Variants in HAPLN1 observed in about 807,000 individuals in gnomAD.
HAPLN1 encodes the protein hyaluronan and proteoglycan link protein 1.
A neutral mutation model predicts 36.5 loss-of-function variants in HAPLN1; 13 were observed. The observed-to-expected ratio is 0.36, with a 90% CI of 0.23 to 0.57. The LOEUF (loss-of-function observed/expected upper bound fraction) is 0.57, where lower values mean the gene tolerates loss of function less well. Ranked by LOEUF, HAPLN1 falls within the 20% of genes least tolerant of loss-of-function variation. The pLI is 0.83. For missense variants in HAPLN1, 407 were observed against 439.7 expected, an observed-to-expected ratio of 0.93 and a Z score of 0.66; for synonymous variants, 202 against 169.8, an observed-to-expected ratio of 1.19 and a Z score of -1.48.
chr5:83,677,499 G>A (rs1162008315), intron 1 of HAPLN1, among the ~76,000 whole-genome samples: 2 of 152,200 alleles, frequency 1.3e-5, no homozygotes, highest in Non-Finnish European at 2.9e-5. Flanking sequence ...GCCATGGACT[G>A]GATGTCCAGC....
At chr5:83,648,606 T>C (rs1749955670) in intron 3 of HAPLN1, among the ~76,000 whole-genome samples, 1 of 151,616 alleles carries the variant, frequency 6.6e-6, no homozygotes, top group South Asian at 2.1e-4. Flanking sequence ...GCATTTAAGC[T>C]GGTATTAAAG....
Position 83,704,981 on chromosome 5 carries a change from T to G in HAPLN1, c.-27+15808A>C, listed in dbSNP as rs79683929. 9.3e-3 allele frequency among the ~76,000 whole-genome samples: 1,421 copies of G among 152,268 alleles called. 25 individuals are homozygous for G. Among genetic ancestry groups the G allele is most frequent in the African/African-American group, 0.032 (1,341 of 41,544 alleles). On this transcript the variant is annotated intron_variant, in intron 1 of 4. Transcript: ENST00000274341. ...TTTTTCTCATCAACAGATGGCACAT[T>G]CTAAAACTCAGCCAATAATTAGACA...
chr5:83,658,304 GC>G (rs1367756843), intron 2 of HAPLN1, among the ~76,000 whole-genome samples: 1 of 152,094 alleles, frequency 6.6e-6, no homozygotes, highest in Non-Finnish European at 1.5e-5. Context: ...ATGGTCTATT[GC>G]AAACAATCAC....
intron 1 of HAPLN1, among the ~76,000 whole-genome samples, chr5:83,693,996 A>T (rs1263103700): frequency 2.0e-5 from 3 of 152,006 alleles, no homozygotes; most frequent in Non-Finnish European, 4.4e-5. Context: ...GCAAGTACAC[A>T]TTCTTTTCAA....
At chr5:83,665,460 G>C (rs1404328639) in intron 2 of HAPLN1, among the ~76,000 whole-genome samples, 1 of 152,172 alleles carries the variant, frequency 6.6e-6, no homozygotes, top group African/African-American at 2.4e-5. Flanking sequence ...AAAGCAGGGA[G>C]GGAAGCAGCA....
chr5:83,643,042 G>A (rs891965873), intron 4 of HAPLN1, among the ~76,000 whole-genome samples: 2 of 151,914 alleles, frequency 1.3e-5, no homozygotes, highest in African/African-American at 2.4e-5. Flanking sequence ...AAAGATTGTC[G>A]GCCAGGCACA....
intron 3 of HAPLN1, among the ~76,000 whole-genome samples, chr5:83,648,426 T>TCAAACC (rs1281009833): frequency 2.5e-5 from 3 of 120,470 alleles, no homozygotes; most frequent in African/African-American, 9.3e-5. Flanking sequence ...TATATATATA[T>TCAAACC]ATATATATAT....
chr5:83,703,139 AT>A (rs1189823338), intron 1 of HAPLN1, among the ~76,000 whole-genome samples: 1 of 151,920 alleles, frequency 6.6e-6, no homozygotes, highest in Admixed American at 6.6e-5. Context: ...TTGCTAAAAT[AT>A]TTTTTCTGCC....
In HAPLN1 at chr5:83,694,343, G is replaced by A. The variant is rs562110975; in HGVS notation, c.-26-20794C>T. Among the ~76,000 whole-genome samples the A allele has an allele frequency of 2.4e-3, 358 of 152,004 alleles. 3 individuals carry two copies. The highest frequency in any genetic ancestry group is 8.0e-3 in the African/African-American group (334 of 41,516). On this transcript the variant is annotated intron_variant, in intron 1 of 4. Transcript: ENST00000274341. Reference sequence around the variant, plus strand: ...CCTAAACACGTATTAGAGAAGAAAAGTTTCAAATCAATGACTTCAGATTCC... The same window carrying A: ...CCTAAACACGTATTAGAGAAGAAAAATTTCAAATCAATGACTTCAGATTCC...
chr5:83,641,735 C>T lies in HAPLN1; in HGVS notation c.826G>A (p.Val276Met), dbSNP rs1749708400. Residue 276 changes from valine (V) to methionine (M), a missense_variant, in exon 5 of 5, where the codon GTG becomes ATG. Val to Met is a conservative substitution (Grantham distance 21). Transcript: ENST00000274341. ...HPTKLTYDEA[V>M]QACLNDGAQI... ...GCACCATCATTGAGACAAGCTTGCA[C>T]CGCTTCATCATAGGTCAGTTTGGTG... 3 of 1,614,154 alleles carry T rather than the reference C, an allele frequency of 1.9e-6. No homozygotes were observed. Among genetic ancestry groups the T allele is most frequent in the Non-Finnish European group, 2.5e-6 (3 of 1,180,036 alleles).
chr5:83,673,331 C>G (rs1367045981), intron 2 of HAPLN1, 93 bp downstream of exon 2: 2 of 837,758 alleles, frequency 2.4e-6, no homozygotes, highest in Non-Finnish European at 3.8e-6. Context: ...GTCAATGCAG[C>G]AGAACTAAAA....
chr5:83,662,213 C>A (rs926235049), intron 2 of HAPLN1, among the ~76,000 whole-genome samples: 1 of 152,094 alleles, frequency 6.6e-6, no homozygotes, highest in African/African-American at 2.4e-5. Flanking sequence ...GGTTAACCAT[C>A]TTTATATCAT....
At chr5:83,707,193 A>C (rs1194177622) in intron 1 of HAPLN1, among the ~76,000 whole-genome samples, 5 of 152,206 alleles carry the variant, frequency 3.3e-5, no homozygotes, top group Non-Finnish European at 7.3e-5. Flanking sequence ...TATTCCTATC[A>C]AACTACCAGT....
intron 1 of HAPLN1, among the ~76,000 whole-genome samples, chr5:83,717,044 A>C (rs545291004): frequency 1.6e-3 from 236 of 152,252 alleles, no homozygotes; most frequent in Non-Finnish European, 2.9e-3. Context: ...GGAAAAAAAA[A>C]CAAAAACTAG....
At chr5:83,646,351 A>C (rs1011058205) in intron 3 of HAPLN1, among the ~76,000 whole-genome samples, 1 of 152,260 alleles carries the variant, frequency 6.6e-6, no homozygotes, top group Admixed American at 6.5e-5. Context: ...GGTGAGTTAT[A>C]GCACATGTGC....
intron 1 of HAPLN1, 92 bp downstream of exon 1, chr5:83,720,697 A>G (rs1751998574): frequency 6.6e-6 from 1 of 152,246 alleles, no homozygotes; most frequent in South Asian, 2.1e-4. Flanking sequence ...AATTTGTTTA[A>G]TGTATATATA....
At chr5:83,660,062 A>C (rs558551312) in intron 2 of HAPLN1, among the ~76,000 whole-genome samples, 1 of 151,966 alleles carries the variant, frequency 6.6e-6, no homozygotes, top group African/African-American at 2.4e-5. Flanking sequence ...GCTCTTTGCT[A>C]TCAATCTACA....
At chr5:83,675,692 C>T (rs1750844339) in intron 1 of HAPLN1, among the ~76,000 whole-genome samples, 1 of 152,088 alleles carries the variant, frequency 6.6e-6, no homozygotes, top group Admixed American at 6.6e-5. Context: ...AAATTGTAAA[C>T]GTCTTGAGTG....
rs35902132 is a variant in HAPLN1, at chr5:83,656,327, C to CAAAAAAAAAAAAAAAAAAAA, written c.101-3523_101-3504dup. Among the ~76,000 whole-genome samples, 3 of 59,804 alleles carry CAAAAAAAAAAAAAAAAAAAA rather than the reference C, an allele frequency of 5.0e-5. 1 individual carries two copies. Among genetic ancestry groups the CAAAAAAAAAAAAAAAAAAAA allele is most frequent in the African/African-American group, 2.1e-4 (3 of 14,496 alleles). 39.2% of individuals were successfully genotyped at this position (59,804 alleles called of 152,430 possible). A position where few individuals can be genotyped will look rare whatever the true frequency, so the allele number is the denominator to read the frequency against. ...TGGGCAACACAGAAAGACTACGTCTCAAAAAAAAAAAAAAAAAAAAAAAGA... is the reference window on the plus strand; with the variant it reads ...TGGGCAACACAGAAAGACTACGTCTCAAAAAAAAAAAAAAAAAAAAAAAAAAAAAAAAAAAAAAAAAAAGA... On this transcript the variant is annotated intron_variant, in intron 2 of 4. Transcript: ENST00000274341.
Sources: gnomAD v4.1 joint callset for allele counts (sites outside exome capture counted in the v4.1 genomes callset) on GRCh38, gnomAD v4.1.1 for gene constraint, MANE v1.5 for transcripts, NCBI Gene and HGNC (gene_info 2026-07-23, HGNC 2026-07-21) for gene names.